The following SGCZ variants were observed in gnomAD, a reference collection of about 807,000 sequenced individuals.
SGCZ encodes sarcoglycan zeta.
Under a neutral mutation model 41.3 loss-of-function variants are expected in SGCZ, and 40 were observed. The ratio of observed to expected loss-of-function variants is 0.97; its 90% CI spans 0.75 to 1.26. The LOEUF is 1.26. Ranked by LOEUF, SGCZ falls within the 50% of genes most tolerant of loss-of-function variation. The pLI is 0.00. For missense variants in SGCZ, 552 were observed against 369.8 expected (o/e 1.49, Z -4.04); for synonymous variants, 206 against 137.5 (o/e 1.50, Z -3.49).
intron 2 of SGCZ, among the ~76,000 whole-genome samples, chr8:14,427,019 C>A (rs1799800856): frequency 1.4e-5 from 2 of 147,262 alleles, no homozygotes; most frequent in African/African-American, 2.7e-5. Flanking sequence ...TGTTTGCAGC[C>A]CAGTAACATT....
chr8:14,829,303 C>T lies in SGCZ; in HGVS notation c.40-274377G>A, dbSNP rs566418622. Among the ~76,000 whole-genome samples, 19 of 152,300 alleles carry T rather than the reference C, an allele frequency of 1.2e-4. No individual in the cohort carries two copies. In the South Asian group the frequency reaches 3.9e-3, roughly 32 times the overall value. On this transcript the variant is annotated intron_variant, in intron 1 of 7. Coordinates refer to ENST00000382080, the MANE Select transcript of SGCZ (RefSeq NM_139167.4). ...GTTAATAATGTTTTTTAAAAAACTG[C>T]ATTGACATCATTAAATTCCCAGAAA... is the stretch of plus-strand genomic sequence containing the variant.
intron 1 of SGCZ, among the ~76,000 whole-genome samples, chr8:15,132,656 GT>G (rs1807954961): frequency 6.6e-6 from 1 of 152,138 alleles, no homozygotes; most frequent in South Asian, 2.1e-4. Context: ...AATTTAACGA[GT>G]TGTGAGAGCA....
chr8:14,219,801 A>G (rs1176875460), intron 4 of SGCZ, among the ~76,000 whole-genome samples: 8 of 151,878 alleles, frequency 5.3e-5, no homozygotes, highest in Non-Finnish European at 1.0e-4. Flanking sequence ...CATTCACCAT[A>G]TTCACCTGAC....
chr8:14,877,828 C>A (rs1804419887), intron 1 of SGCZ, among the ~76,000 whole-genome samples: 1 of 151,956 alleles, frequency 6.6e-6, no homozygotes, highest in African/African-American at 2.4e-5. Flanking sequence ...AAACTGATCA[C>A]TCTGGTTACT....
rs1211584112 is a variant in SGCZ, at chr8:15,169,583, T to C, written c.39+68002A>G. Among the ~76,000 whole-genome samples, 5 of 150,264 alleles carry C rather than the reference T, an allele frequency of 3.3e-5. No homozygotes were observed. In the South Asian group the frequency reaches 8.5e-4, roughly 26 times the overall value. Reference sequence around the variant, plus strand: ...ACTAAGGAAAAGTCCTGCAACACTGTAACAGAGTACCCTAGACTAGGCGGC... The same window carrying C: ...ACTAAGGAAAAGTCCTGCAACACTGCAACAGAGTACCCTAGACTAGGCGGC... On this transcript the variant is annotated intron_variant, in intron 1 of 7. Coordinates refer to ENST00000382080, the MANE Select transcript of SGCZ (RefSeq NM_139167.4).
At chr8:14,567,158 C>T (rs1013395912) in intron 1 of SGCZ, among the ~76,000 whole-genome samples, 7 of 152,338 alleles carry the variant, frequency 4.6e-5, no homozygotes, top group African/African-American at 1.7e-4. Flanking sequence ...GGAGCCCCCC[C>T]AGGGAGTCGC....
intron 1 of SGCZ, among the ~76,000 whole-genome samples, chr8:14,656,411 C>T (rs1160079120): frequency 1.8e-5 from 2 of 111,500 alleles, no homozygotes; most frequent in Non-Finnish European, 4.4e-5. Context: ...TTCCTCCTCT[C>T]CTCTCCTTCC....
chr8:14,232,364 T>G (rs948071483), intron 4 of SGCZ, among the ~76,000 whole-genome samples: 1 of 151,926 alleles, frequency 6.6e-6, no homozygotes, highest in Non-Finnish European at 1.5e-5. Context: ...CAGTTTCTAT[T>G]GTTAAGTGAT....
At chr8:15,031,130 T>A (rs1322984947) in intron 1 of SGCZ, among the ~76,000 whole-genome samples, 7 of 152,144 alleles carry the variant, frequency 4.6e-5, no homozygotes, top group Non-Finnish European at 7.4e-5. Context: ...AAAACCAATC[T>A]GCATTGAGGT....
chr8:14,567,310 T>C (rs948070615), intron 1 of SGCZ, among the ~76,000 whole-genome samples: 2 of 152,168 alleles, frequency 1.3e-5, no homozygotes, highest in Admixed American at 6.5e-5. Flanking sequence ...CTGAGTCTAG[T>C]GGGGACTTGG....
chr8:14,305,417 A>G (rs1346280), intron 3 of SGCZ, among the ~76,000 whole-genome samples: 28,442 of 152,126 alleles, frequency 0.19, 2,816 homozygotes, highest in East Asian at 0.28. Context: ...AAAAATCTCA[A>G]TGAGGTTTCA....
At chr8:14,303,385 C>G (rs1233810424) in intron 3 of SGCZ, among the ~76,000 whole-genome samples, 1 of 151,918 alleles carries the variant, frequency 6.6e-6, no homozygotes, top group Non-Finnish European at 1.5e-5. Context: ...AATTAAATAT[C>G]AAGATAATAA....
At chr8:14,565,678 T>C (rs930223509) in intron 1 of SGCZ, among the ~76,000 whole-genome samples, 8 of 151,860 alleles carry the variant, frequency 5.3e-5, no homozygotes, top group Non-Finnish European at 7.4e-5. Flanking sequence ...CTTCAAACAG[T>C]AAGGATTAAC....
chr8:14,559,148 A>C (rs1347297205), intron 1 of SGCZ, among the ~76,000 whole-genome samples: 1 of 152,108 alleles, frequency 6.6e-6, no homozygotes, highest in Non-Finnish European at 1.5e-5. Context: ...GACAAGAAAA[A>C]GAAATAAAGG....
At chr8:14,759,399 T>C (rs1799788582) in intron 1 of SGCZ, among the ~76,000 whole-genome samples, 1 of 152,210 alleles carries the variant, frequency 6.6e-6, no homozygotes, top group Non-Finnish European at 1.5e-5. Context: ...ACTTTAATTC[T>C]TAAAGCTTCA....
At chr8:15,080,398 A>G (rs772788215) in intron 1 of SGCZ, among the ~76,000 whole-genome samples, 1 of 152,012 alleles carries the variant, frequency 6.6e-6, no homozygotes. Flanking sequence ...CACCAGCCTG[A>G]GCATCCTGCC....
chr8:14,616,813 C>G (rs1189511722), intron 1 of SGCZ, among the ~76,000 whole-genome samples: 2 of 152,084 alleles, frequency 1.3e-5, no homozygotes, highest in Non-Finnish European at 2.9e-5. Context: ...TTATTGTTAG[C>G]AATTTAAGAT....
At chr8:14,629,408 A>T (rs1001503192) in intron 1 of SGCZ, among the ~76,000 whole-genome samples, 2 of 152,172 alleles carry the variant, frequency 1.3e-5, no homozygotes, top group African/African-American at 2.4e-5. Context: ...CAATTACTGA[A>T]ATAATTATTT....
intron 1 of SGCZ, among the ~76,000 whole-genome samples, chr8:14,807,342 G>T (rs1296788096): frequency 4.6e-5 from 7 of 152,030 alleles, no homozygotes; most frequent in African/African-American, 1.7e-4. Flanking sequence ...CATTGTCTCA[G>T]CCCAAAATCT....
Sources: gnomAD v4.1 joint callset for allele counts (sites outside exome capture counted in the v4.1 genomes callset) on GRCh38, gnomAD v4.1.1 for gene constraint, MANE v1.5 for transcripts, NCBI Gene and HGNC (gene_info 2026-07-23, HGNC 2026-07-21) for gene names.